Variants in NFKBID observed in about 807,000 individuals in gnomAD.
NFKBID encodes NFKB inhibitor delta, also known as NF-kappa-B inhibitor delta.
Under a neutral mutation model 53.4 loss-of-function variants are expected in NFKBID, and 26 were observed. The observed-to-expected ratio is 0.49, with a 90% confidence interval of 0.36 to 0.68. The LOEUF is 0.68. NFKBID is among the 30% of genes least tolerant of loss of function. NFKBID has a pLI of 0.00. For synonymous variants in NFKBID, 262 were observed against 259.8 expected (o/e 1.01, Z -0.08); for missense variants, 493 against 614.1 (o/e 0.80, Z 2.08).
At chr19:35,889,959 G>A (rs1482013135) in exon 11 of NFKBID, 2 of 1,611,804 alleles carry the variant, frequency 1.2e-6, no homozygotes, top group Non-Finnish European at 1.7e-6. Context: ...GCAGTGTGGG[G>A]TCCGCCCCAG....
chr19:35,891,421 A>G (rs954351563), intron 9 of NFKBID, among the ~76,000 whole-genome samples: 4 of 152,212 alleles, frequency 2.6e-5, no homozygotes, highest in African/African-American at 4.8e-5. Flanking sequence ...ACGTAACATC[A>G]TAATATGTGT....
intron 11 of NFKBID, 110 bp downstream of exon 11, chr19:35,889,767 GCTGAAGTCACCTT>G (rs1338267380): frequency 9.7e-7 from 1 of 1,029,434 alleles, no homozygotes; most frequent in African/African-American, 1.6e-5. Flanking sequence ...TTGCCTGAGG[GCTGAAGTCACCTT>G]CCGAGATTAG....
chr19:35,893,929 A>T (rs1974957450), intron 9 of NFKBID, among the ~76,000 whole-genome samples: 1 of 151,778 alleles, frequency 6.6e-6, no homozygotes. Context: ...TATTTTCTAT[A>T]TTTTATTGGT....
intron 1 of NFKBID, among the ~76,000 whole-genome samples, chr19:35,899,219 A>G (rs1343142068): frequency 3.3e-5 from 5 of 152,094 alleles, no homozygotes; most frequent in African/African-American, 1.2e-4. Context: ...CAGGTTCCCA[A>G]CATTTTTTTC....
At chr19:35,888,633 G>A (rs1168258728) in intron 11 of NFKBID, 21 bp from the exon 12 acceptor site, 6 of 1,564,790 alleles carry the variant, frequency 3.8e-6, no homozygotes, top group African/African-American at 1.4e-5. Flanking sequence ...GGCAAAGGAG[G>A]GAGAGAAGTC....
Position 35,900,559 on chromosome 19 carries a change from C to T in NFKBID, c.-57G>A, listed in dbSNP as rs1285991103. 7.3e-6 allele frequency: 9 copies of T among 1,231,408 alleles called. No homozygotes were observed. The highest frequency in any genetic ancestry group is 9.1e-6 in the Non-Finnish European group (9 of 987,596). 76.3% of individuals were successfully genotyped at this position (1,231,408 alleles called of 1,614,324 possible). ...GGTCCCCGATCTTGGGTCCGGTACC[C>T]GCGAGTTTTTAAACTAGGGGTTATG... On this transcript the variant is annotated 5_prime_UTR_variant, in exon 1 of 12. Coordinates refer to ENST00000641389, the Ensembl canonical transcript of NFKBID.
intron 1 of NFKBID, among the ~76,000 whole-genome samples, chr19:35,899,348 G>C (rs1975414544): frequency 6.6e-6 from 1 of 152,028 alleles, no homozygotes; most frequent in Non-Finnish European, 1.5e-5. Context: ...GAGAGGCCAA[G>C]GGGGGCGGAT....
exon 1 of NFKBID, chr19:35,900,509 T>C (rs2146974126): frequency 8.1e-7 from 1 of 1,231,882 alleles, no homozygotes; most frequent in East Asian, 3.2e-5. Context: ...CCAGCCTCGC[T>C]GTTTCCCCCG....
intron 9 of NFKBID, among the ~76,000 whole-genome samples, chr19:35,893,767 C>T (rs1974945065): frequency 6.7e-6 from 1 of 150,320 alleles, no homozygotes; most frequent in Non-Finnish European, 1.5e-5. Context: ...TTACAGTGAG[C>T]CGAGATCGCA....
chr19:35,898,364 A>AT, intron 3 of NFKBID, 108 bp downstream of exon 3: 1 of 707,598 alleles, frequency 1.4e-6, no homozygotes, highest in Non-Finnish European at 2.4e-6. Flanking sequence ...AAAAAAAAAA[A>AT]GGGAAGAATG....
chr19:35,897,475 C>T, intron 4 of NFKBID, 176 bp downstream of exon 4: 1 of 651,578 alleles, frequency 1.5e-6, no homozygotes, highest in Non-Finnish European at 2.8e-6. Flanking sequence ...AACGCCTGAC[C>T]TCAAGTGATC....
exon 4 of NFKBID, chr19:35,897,677 G>A (rs759884498): frequency 1.9e-6 from 3 of 1,603,854 alleles, no homozygotes; most frequent in Non-Finnish European, 2.6e-6. Context: ...AATGGGCACG[G>A]CTGCCCTGGG....
chr19:35,898,432 G>A (rs1975337704), intron 3 of NFKBID, 40 bp downstream of exon 3: 4 of 1,361,898 alleles, frequency 2.9e-6, no homozygotes, highest in Non-Finnish European at 4.0e-6. Flanking sequence ...GAGTCCCTTA[G>A]GGAAGGGGGA....
intron 3 of NFKBID, 150 bp downstream of exon 3, chr19:35,898,322 C>T (rs4806225): frequency 0.021 from 13,293 of 644,252 alleles, 889 homozygotes; most frequent in East Asian, 0.19. Context: ...ACTCCAGTGC[C>T]AGGGCAACAG....
intron 1 of NFKBID, among the ~76,000 whole-genome samples, chr19:35,899,083 A>C (rs536587508): frequency 7.2e-5 from 11 of 152,032 alleles, no homozygotes; most frequent in Non-Finnish European, 1.3e-4. Flanking sequence ...AGGAAGGGGG[A>C]GGAGGGCACC....
At position 35,898,842 on chromosome 19, in the gene NFKBID, G is replaced by C. The variant is rs922116289; in HGVS notation, c.62-20C>G. The stretch of plus-strand genomic sequence containing the variant: ...TGCTCACTGTGCGGGAGAGGAGAGG[G>C]GGAAGTCATCAAGGGTCCTTAAGTC... On this transcript the variant is annotated intron_variant, in intron 1 of 11. Coordinates refer to ENST00000641389, the Ensembl canonical transcript of NFKBID. 3 of 1,529,486 alleles carry C rather than the reference G, an allele frequency of 2.0e-6. No homozygotes were observed. Among genetic ancestry groups the C allele is most frequent in the Admixed American group, 2.0e-5 (1 of 50,924 alleles). The allele number at this position is 1,529,486 out of a possible 1,614,324, so 94.7% of individuals were successfully genotyped here.
At chr19:35,892,648 T>C (rs1193376080) in intron 9 of NFKBID, among the ~76,000 whole-genome samples, 1 of 152,152 alleles carries the variant, frequency 6.6e-6, no homozygotes, top group African/African-American at 2.4e-5. Context: ...CTTCATCATT[T>C]CTTGCTCAAC....
At chr19:35,898,391 G>A in intron 3 of NFKBID, 81 bp downstream of exon 3, 4 of 845,852 alleles carry the variant, frequency 4.7e-6, no homozygotes, top group Non-Finnish European at 7.4e-6. Flanking sequence ...TGACTCCCAG[G>A]TGTCCCAAAG....
rs1474974396 is a variant in NFKBID, at chr19:35,890,345, A to T, written c.1149+29T>A. On this transcript the variant is annotated intron_variant, in intron 10 of 11. Coordinates refer to ENST00000641389, the Ensembl canonical transcript of NFKBID. ...CTGCCCCCCCTACCGTACCCCACAC[A>T]ATCTGCACTTCCCAGCCCCAGCTCC... 4 of 1,481,908 alleles carry T rather than the reference A, an allele frequency of 2.7e-6. No individual in the cohort carries two copies. The Admixed American group carries it at 5.1e-5, about 19-fold the overall frequency. The allele number at this position is 1,481,908 out of a possible 1,614,324, so 91.8% of individuals were successfully genotyped here. A position where few individuals can be genotyped will look rare whatever the true frequency, so the allele number is the denominator to read the frequency against.
Sources: gnomAD v4.1 joint callset for allele counts (sites outside exome capture counted in the v4.1 genomes callset) on GRCh38, gnomAD v4.1.1 for gene constraint, MANE v1.5 for transcripts, NCBI Gene and HGNC (gene_info 2026-07-23, HGNC 2026-07-21) for gene names.